The following ARID4B variants were observed in gnomAD, a reference collection of about 807,000 sequenced individuals.
The protein encoded by ARID4B is AT-rich interactive domain-containing protein 4B.
A neutral mutation model predicts 147.5 loss-of-function variants in ARID4B; 26 were observed. The ratio of observed to expected loss-of-function variants is 0.18; its 90% CI spans 0.13 to 0.24. ARID4B has a LOEUF of 0.24. ARID4B is among the 10% of genes least tolerant of loss of function. The pLI is 1.00. For missense variants in ARID4B, 1,179 were observed against 1,511.5 expected (o/e 0.78, Z 3.65); for synonymous variants, 512 against 507.9 (o/e 1.01, Z -0.11).
chr1:235,217,064 T>G (rs976572018), intron 16 of ARID4B, among the ~76,000 whole-genome samples: 1 of 152,176 alleles, frequency 6.6e-6, no homozygotes, highest in Admixed American at 6.6e-5. Flanking sequence ...CTTTAAGTAG[T>G]AGCCCAGGCA....
At position 235,239,300 on chromosome 1, in the gene ARID4B, T is replaced by C. The variant is rs181695780; in HGVS notation, c.585+1013A>G. Among the ~76,000 whole-genome samples, 85 of 152,322 alleles carry C rather than the reference T, an allele frequency of 5.6e-4. No homozygotes were observed. The East Asian group carries it at 0.013, about 24-fold the overall frequency. ...GATAATTCTTAAGAGATACTGATTA[T>C]TAACTTCAGTCTCCTACTTGAAATT... On this transcript the variant is annotated intron_variant, in intron 8 of 23. Transcript: ENST00000264183.
intron 1 of ARID4B, chr1:235,327,206 T>C (rs762942271): frequency 1.3e-5 from 5 of 387,510 alleles, no homozygotes; most frequent in Non-Finnish European, 2.4e-5. Context: ...CGACGGAGTT[T>C]CCCGTCTACG....
At chr1:235,188,143 A>ATG (rs1377855339) in intron 19 of ARID4B, among the ~76,000 whole-genome samples, 1 of 152,118 alleles carries the variant, frequency 6.6e-6, no homozygotes, top group South Asian at 2.1e-4. Context: ...TGTTATATGT[A>ATG]TGTGTGTGTG....
At chr1:235,264,233 A>G (rs1268243486) in intron 2 of ARID4B, among the ~76,000 whole-genome samples, 2 of 152,218 alleles carry the variant, frequency 1.3e-5, no homozygotes, top group Non-Finnish European at 2.9e-5. Context: ...TAGCAAGCCT[A>G]TATCAAAGCA....
In ARID4B at chr1:235,175,215, T is replaced by A; in HGVS notation, c.3633A>T (p.Leu1211Phe). 6.2e-7 allele frequency: 1 copy of A among 1,614,192 alleles called. No homozygotes were observed. Among genetic ancestry groups the A allele is most frequent in the South Asian group, 1.1e-5 (1 of 91,082 alleles). ...GAAAACTCCATTTGTAAACTTTGGG[T>A]AATCGATTACTGGGTTCCTTGAGAT... ...DPDLKEPSNRLPKVYKWSFQM... is the reference protein window; with the variant it reads ...DPDLKEPSNRFPKVYKWSFQM... The change falls in exon 22 of 24, where the codon TTA becomes TTT. Residue 1211 changes from leucine to phenylalanine, a missense_variant. This residue lies in a region of ARID4B where 357 missense variants were observed against 427.3 expected (regional missense o/e 0.84). Coordinates refer to ENST00000264183, the MANE Select transcript of ARID4B (RefSeq NM_016374.6).
chr1:235,305,810 A>C (rs1673500929), intron 2 of ARID4B, among the ~76,000 whole-genome samples: 1 of 152,120 alleles, frequency 6.6e-6, no homozygotes, highest in South Asian at 2.1e-4. Flanking sequence ...AAAGTTAAAA[A>C]TTCGCCAGGC....
intron 2 of ARID4B, among the ~76,000 whole-genome samples, chr1:235,278,176 ATAGAATAGTTTATAT>A (rs1431227803): frequency 6.6e-6 from 1 of 152,220 alleles, no homozygotes; most frequent in Admixed American, 6.5e-5. Context: ...AAAGCATTCA[ATAGAATAGTTTATAT>A]TAGATTATCA....
chr1:235,211,964 C>T (rs539315821), intron 17 of ARID4B, among the ~76,000 whole-genome samples: 2 of 152,126 alleles, frequency 1.3e-5, no homozygotes, highest in South Asian at 2.1e-4. Context: ...AAATCACATA[C>T]CAGAAAGGCA....
chr1:235,309,317 G>A (rs1257084483), intron 2 of ARID4B, among the ~76,000 whole-genome samples: 118 of 141,786 alleles, frequency 8.3e-4, no homozygotes, highest in African/African-American at 2.9e-3. Flanking sequence ...CCCTCCGCCC[G>A]GCAGCCGCCC....
intron 10 of ARID4B, among the ~76,000 whole-genome samples, chr1:235,230,411 AAAAAC>A (rs67278012): frequency 0.3 from 43,415 of 146,246 alleles, 7,447 homozygotes; most frequent in South Asian, 0.53. Context: ...TCCATCTCAA[AAAAAC>A]AAAACAAAAC....
At chr1:235,252,077 C>T (rs924359916) in intron 6 of ARID4B, among the ~76,000 whole-genome samples, 1 of 152,190 alleles carries the variant, frequency 6.6e-6, no homozygotes, top group Non-Finnish European at 1.5e-5. Flanking sequence ...ATAAGCACCT[C>T]ATCTATTCAT....
chr1:235,308,219 C>A (rs1673718284), intron 2 of ARID4B, among the ~76,000 whole-genome samples: 1 of 151,222 alleles, frequency 6.6e-6, no homozygotes, highest in Non-Finnish European at 1.5e-5. Context: ...CCTGTCTCAG[C>A]GCCTGAGTAG....
rs528013284 is a variant in ARID4B, at chr1:235,216,603, G to A, written c.1584-2577C>T. Among the ~76,000 whole-genome samples the A allele has an allele frequency of 1.8e-4, 28 of 152,104 alleles. No homozygotes were observed. In the South Asian group the frequency reaches 5.6e-3, roughly 30 times the overall value. On this transcript the variant is annotated intron_variant, in intron 16 of 23. Coordinates refer to ENST00000264183, the MANE Select transcript of ARID4B (RefSeq NM_016374.6). Reference sequence around the variant, plus strand: ...GGTGATCCGCCTGCCTGGGCCTCCCGAAGTGCAGGGATTACAGGCATGAGC... The same window carrying A: ...GGTGATCCGCCTGCCTGGGCCTCCCAAAGTGCAGGGATTACAGGCATGAGC...
intron 2 of ARID4B, among the ~76,000 whole-genome samples, chr1:235,292,037 T>A (rs1672373369): frequency 6.6e-6 from 1 of 152,234 alleles, no homozygotes; most frequent in African/African-American, 2.4e-5. Context: ...AAGTATTTTT[T>A]AAAACTTTTC....
At chr1:235,258,806 C>T (rs1441441408) in intron 3 of ARID4B, among the ~76,000 whole-genome samples, 4 of 152,162 alleles carry the variant, frequency 2.6e-5, no homozygotes, top group Admixed American at 2.6e-4. Flanking sequence ...GATATCTGTG[C>T]CCTTCACTTA....
intron 11 of ARID4B, chr1:235,228,998 A>G (rs1219708632): frequency 2.2e-6 from 1 of 460,098 alleles, no homozygotes; most frequent in East Asian, 4.2e-5. Flanking sequence ...AGACTAAGAC[A>G]TGTTTTTGAG....
chr1:235,299,136 C>T (rs548663501), intron 2 of ARID4B, among the ~76,000 whole-genome samples: 1 of 152,284 alleles, frequency 6.6e-6, no homozygotes, highest in South Asian at 2.1e-4. Flanking sequence ...TTTCTAGAGC[C>T]ACCTTAAAGT....
chr1:235,255,158 A>G (rs74148458), intron 5 of ARID4B, among the ~76,000 whole-genome samples: 4,480 of 151,764 alleles, frequency 0.03, 220 homozygotes, highest in African/African-American at 0.1. Context: ...ATCAGTAAGA[A>G]AAAATAAACT....
At chr1:235,224,552 G>T in intron 12 of ARID4B, 151 bp downstream of exon 12, 3 of 629,514 alleles carry the variant, frequency 4.8e-6, no homozygotes, top group South Asian at 1.9e-5. Flanking sequence ...CGTGACAGGC[G>T]CTATGCTAGG....
Sources: allele counts gnomAD v4.1 joint callset (sites outside exome capture counted in the v4.1 genomes callset), GRCh38; gene constraint gnomAD v4.1.1; regional missense constraint gnomAD v4.1.1; transcripts MANE v1.5; gene names NCBI Gene and HGNC (gene_info 2026-07-23, HGNC 2026-07-21).